The following MID1 variants were observed in gnomAD, a reference collection of about 807,000 sequenced individuals.
MID1 encodes the protein E3 ubiquitin-protein ligase Midline-1.
In MID1, 7 loss-of-function variants were observed where a neutral mutation model predicts 40.4. The observed-to-expected ratio is 0.17, with a 90% confidence interval of 0.10 to 0.33. MID1 has a LOEUF of 0.33. Ranked by LOEUF, MID1 falls within the 10% of genes least tolerant of loss-of-function variation. The pLI is 1.00. For missense variants in MID1, 367 were observed against 558.5 expected (o/e 0.66, Z 3.46); for synonymous variants, 229 against 221.2 (o/e 1.04, Z -0.31).
chrX:10,588,998 G>A lies in MID1; in HGVS notation c.-56-21395C>T, dbSNP rs140646555. 6.3e-3 allele frequency among the ~76,000 whole-genome samples: 703 copies of A among 111,390 alleles called. 9 individuals carry two copies. Among genetic ancestry groups the A allele is most frequent in the African/African-American group, 0.022 (665 of 30,576 alleles). On this transcript the variant is annotated intron_variant, in intron 1 of 9. Coordinates refer to ENST00000317552, the MANE Select transcript of MID1 (RefSeq NM_000381.4). ...AAATTTTTCAACATAGTTCCTAGTA[G>A]GGTGGGCTTATTTGTGCCTGACCCA...
intron 1 of MID1, among the ~76,000 whole-genome samples, chrX:10,805,996 C>T (rs370343558): frequency 1.9e-5 from 2 of 106,843 alleles, no homozygotes; most frequent in Non-Finnish European, 1.9e-5. Context: ...GAGTAGGTTG[C>T]GAAAATTTTC....
chrX:10,690,891 T>C (rs2043128308), intron 1 of MID1, among the ~76,000 whole-genome samples: 1 of 112,341 alleles, frequency 8.9e-6, no homozygotes, highest in Non-Finnish European at 1.9e-5. Flanking sequence ...ATTGTACCAG[T>C]TACACTTTTG....
chrX:10,481,988 C>T (rs1473658992), intron 5 of MID1, among the ~76,000 whole-genome samples: 1 of 111,843 alleles, frequency 8.9e-6, no homozygotes, highest in Non-Finnish European at 1.9e-5. Context: ...TTGGCCTTGA[C>T]CTTTTCAGGT....
intron 2 of MID1, among the ~76,000 whole-genome samples, chrX:10,524,311 TCCAA>T (rs1932787704): frequency 8.9e-6 from 1 of 111,742 alleles, no homozygotes; most frequent in South Asian, 3.8e-4. Context: ...GCCAGGGGTG[TCCAA>T]TCTTTTGGCT....
At chrX:10,779,388 G>C (rs1261121423) in intron 1 of MID1, among the ~76,000 whole-genome samples, 1 of 111,542 alleles carries the variant, frequency 9.0e-6, no homozygotes, top group East Asian at 2.8e-4. Flanking sequence ...GTCCAGGTTG[G>C]TTTTGAACTC....
chrX:10,477,216 GC>G (rs1930065027), intron 5 of MID1, among the ~76,000 whole-genome samples: 1 of 112,816 alleles, frequency 8.9e-6, no homozygotes, highest in Non-Finnish European at 1.9e-5. Context: ...CAGTTTCCCT[GC>G]CCACTGGCAG....
chrX:10,513,777 G>A, intron 3 of MID1, among the ~76,000 whole-genome samples: 1 of 112,385 alleles, frequency 8.9e-6, no homozygotes, highest in East Asian at 2.8e-4. Flanking sequence ...CCAAAGTGCT[G>A]GGATTACAGG....
chrX:10,571,366 T>A (rs1934717291), intron 1 of MID1, among the ~76,000 whole-genome samples: 1 of 112,190 alleles, frequency 8.9e-6, no homozygotes, highest in Admixed American at 9.5e-5. Flanking sequence ...GCATTTTTGT[T>A]AAATGACTCT....
intron 1 of MID1, among the ~76,000 whole-genome samples, chrX:10,592,376 CATT>C (rs1456631282): frequency 3.0e-5 from 3 of 100,971 alleles, no homozygotes; most frequent in African/African-American, 7.2e-5. Flanking sequence ...TTTAGCAAAA[CATT>C]ATCATTTCTC....
intron 3 of MID1, among the ~76,000 whole-genome samples, chrX:10,514,721 T>C (rs1476477676): frequency 8.9e-6 from 1 of 112,184 alleles, no homozygotes; most frequent in Non-Finnish European, 1.9e-5. Flanking sequence ...TCCTTTGTCA[T>C]GGGAATCCTA....
intron 8 of MID1, among the ~76,000 whole-genome samples, chrX:10,456,456 CTTTA>C (rs972265544): frequency 8.9e-6 from 1 of 112,520 alleles, no homozygotes; most frequent in Non-Finnish European, 1.9e-5. Flanking sequence ...GCTAATAAAA[CTTTA>C]TTTACAAAAT....
chrX:10,805,398 A>T (rs1471025742), intron 1 of MID1, among the ~76,000 whole-genome samples: 32 of 107,642 alleles, frequency 3.0e-4, no homozygotes, highest in African/African-American at 1.1e-3. Context: ...AAGGACATGA[A>T]CTCATCCTTT....
chrX:10,803,656 T>A (rs2147146995), intron 1 of MID1, among the ~76,000 whole-genome samples: 1 of 111,596 alleles, frequency 9.0e-6, no homozygotes, highest in East Asian at 2.8e-4. Context: ...CGGCCAGCTG[T>A]TACTATATTT....
rs10284156 is a variant in MID1 at position 10,591,580 on chromosome X, G to A, written c.-56-23977C>T. 5.9e-3 allele frequency among the ~76,000 whole-genome samples: 661 copies of A among 111,837 alleles called. 8 individuals carry two copies. The highest frequency in any genetic ancestry group is 0.02 in the African/African-American group (621 of 30,753). ...CAAGGATGCTGGTGACTTCACCGAAGGGAGCTTTATTGTGCCGGAGCCACT... is the reference window on the plus strand; with the variant it reads ...CAAGGATGCTGGTGACTTCACCGAAAGGAGCTTTATTGTGCCGGAGCCACT... On this transcript the variant is annotated intron_variant, in intron 1 of 9. Coordinates refer to ENST00000317552, the MANE Select transcript of MID1 (RefSeq NM_000381.4).
intron 3 of MID1, among the ~76,000 whole-genome samples, chrX:10,516,617 C>T (rs1019394007): frequency 1.1e-3 from 110 of 96,043 alleles, no homozygotes; most frequent in Non-Finnish European, 1.6e-3. Context: ...TGTGCGCGCG[C>T]GCACGCGTGT....
intron 1 of MID1, among the ~76,000 whole-genome samples, chrX:10,619,495 C>A (rs761302815): frequency 1.8e-5 from 2 of 112,648 alleles, no homozygotes; most frequent in South Asian, 7.4e-4. Context: ...TCTTCCATAA[C>A]TTTGATTGAG....
intron 1 of MID1, among the ~76,000 whole-genome samples, chrX:10,626,124 T>C (rs1215713367): frequency 9.0e-6 from 1 of 110,818 alleles, no homozygotes; most frequent in East Asian, 2.8e-4. Flanking sequence ...AGCATTGTTA[T>C]AGAACAGTCC....
chrX:10,605,584 C>T (rs917580855), intron 1 of MID1, among the ~76,000 whole-genome samples: 2 of 112,004 alleles, frequency 1.8e-5, no homozygotes, highest in African/African-American at 3.2e-5. Flanking sequence ...AATGTTTCTT[C>T]CTCCAATGCC....
chrX:10,631,788 C>T (rs149756248), intron 1 of MID1, among the ~76,000 whole-genome samples: 2,936 of 111,598 alleles, frequency 0.026, 46 homozygotes, highest in African/African-American at 0.058. Context: ...TTAAAAATGC[C>T]CAAGGCACAG....
Sources: allele counts gnomAD v4.1 joint callset (sites outside exome capture counted in the v4.1 genomes callset), GRCh38; gene constraint gnomAD v4.1.1; transcripts MANE v1.5; gene names NCBI Gene and HGNC (gene_info 2026-07-23, HGNC 2026-07-21).